The following CTNNA3 variants were observed in gnomAD, a reference collection of about 807,000 sequenced individuals.
CTNNA3 encodes the protein catenin alpha 3.
A neutral mutation model predicts 95.7 loss-of-function variants in CTNNA3; 76 were observed. That is an observed-to-expected ratio of 0.79 (90% CI 0.66 to 0.96). The LOEUF is 0.96. Ranked by LOEUF, CTNNA3 falls within the 40% of genes least tolerant of loss-of-function variation. The pLI is 0.00. For missense variants in CTNNA3, 1,191 were observed against 1,089.8 expected (o/e 1.09, Z -1.31); for synonymous variants, 431 against 374.4 (o/e 1.15, Z -1.74).
chr10:67,105,396 A>G (rs990853445), intron 7 of CTNNA3, among the ~76,000 whole-genome samples: 1 of 152,152 alleles, frequency 6.6e-6, no homozygotes, highest in Non-Finnish European at 1.5e-5. Context: ...TCCAAGGTCA[A>G]ATTTGAAATA....
At chr10:66,788,252 C>A (rs2132869522) in intron 7 of CTNNA3, among the ~76,000 whole-genome samples, 1 of 152,252 alleles carries the variant, frequency 6.6e-6, no homozygotes, top group South Asian at 2.1e-4. Context: ...TGCAAACTGA[C>A]ATACCCATCA....
At chr10:67,739,832 A>C (rs987751165) in intron 1 of CTNNA3, among the ~76,000 whole-genome samples, 15 of 152,308 alleles carry the variant, frequency 9.8e-5, no homozygotes, top group African/African-American at 3.1e-4. Flanking sequence ...GGAACCAAAA[A>C]AGAGGCCGCA....
At chr10:66,627,019 T>C (rs556280227) in intron 9 of CTNNA3, among the ~76,000 whole-genome samples, 1 of 152,156 alleles carries the variant, frequency 6.6e-6, no homozygotes, top group South Asian at 2.1e-4. Flanking sequence ...TGTGTTTGAA[T>C]AGACAGTCTT....
At chr10:66,745,094 G>A (rs183146025) in intron 9 of CTNNA3, among the ~76,000 whole-genome samples, 7 of 152,108 alleles carry the variant, frequency 4.6e-5, no homozygotes, top group African/African-American at 1.4e-4. Context: ...CACCCCCAGC[G>A]CTTCTCAGCT....
intron 5 of CTNNA3, among the ~76,000 whole-genome samples, chr10:67,257,345 T>C (rs1320568732): frequency 6.6e-6 from 1 of 152,238 alleles, no homozygotes; most frequent in Non-Finnish European, 1.5e-5. Context: ...AGTGCAATGC[T>C]GAAAGCACAA....
chr10:67,464,279 C>T (rs1049094850), intron 5 of CTNNA3, among the ~76,000 whole-genome samples: 1 of 152,170 alleles, frequency 6.6e-6, no homozygotes, highest in Non-Finnish European at 1.5e-5. Flanking sequence ...TTTCGCTCCC[C>T]TATCTTCTTC....
intron 7 of CTNNA3, among the ~76,000 whole-genome samples, chr10:66,859,149 T>C (rs1843801327): frequency 6.6e-6 from 1 of 152,094 alleles, no homozygotes; most frequent in Non-Finnish European, 1.5e-5. Flanking sequence ...CTGAGGAATA[T>C]GGAGACTGAG....
chr10:65,958,347 G>T (rs1303510019), intron 17 of CTNNA3, among the ~76,000 whole-genome samples: 1 of 151,986 alleles, frequency 6.6e-6, no homozygotes, highest in Non-Finnish European at 1.5e-5. Context: ...CTTTAGCTTG[G>T]AGAAGTTTGT....
At chr10:67,706,046 C>A (rs899793202) in intron 1 of CTNNA3, among the ~76,000 whole-genome samples, 1 of 151,994 alleles carries the variant, frequency 6.6e-6, no homozygotes, top group African/African-American at 2.4e-5. Context: ...GAATGGCATG[C>A]AGGGGAGGGA....
rs1846062338 is a variant in CTNNA3, at chr10:66,907,950, G to C, written c.1048-132426C>G. On this transcript the variant is annotated intron_variant, in intron 7 of 17. Transcript: ENST00000433211. Reference sequence around the variant, plus strand: ...ATCCATATGAATTTTCTTAACATGAGGGATGTATTTTGTAGAGAAGTTACA... The same window carrying C: ...ATCCATATGAATTTTCTTAACATGACGGATGTATTTTGTAGAGAAGTTACA... Among the ~76,000 whole-genome samples, 3 of 152,150 alleles carry C rather than the reference G, an allele frequency of 2.0e-5. No individual in the cohort carries two copies. The South Asian group carries it at 6.2e-4, about 32-fold the overall frequency.
At chr10:67,499,487 G>A (rs11497964) in intron 5 of CTNNA3, among the ~76,000 whole-genome samples, 10,414 of 152,198 alleles carry the variant, frequency 0.068, 435 homozygotes, top group South Asian at 0.14. Context: ...CTATTGTTTG[G>A]AATAGTTTCA....
intron 5 of CTNNA3, among the ~76,000 whole-genome samples, chr10:67,519,960 C>A (rs968164737): frequency 1.3e-5 from 2 of 152,060 alleles, no homozygotes; most frequent in African/African-American, 4.8e-5. Flanking sequence ...TTGACCCTGC[C>A]CATCAAGAAG....
chr10:66,412,128 G>A (rs1165452082), intron 11 of CTNNA3, among the ~76,000 whole-genome samples: 3 of 152,044 alleles, frequency 2.0e-5, no homozygotes, highest in African/African-American at 7.2e-5. Context: ...AAACAAAAAC[G>A]TGAGGAATGA....
chr10:67,347,635 A>G (rs1423453646), intron 5 of CTNNA3, among the ~76,000 whole-genome samples: 1 of 152,138 alleles, frequency 6.6e-6, no homozygotes, highest in Non-Finnish European at 1.5e-5. Context: ...AGTAAAGTTG[A>G]GTACTCTTAG....
intron 10 of CTNNA3, among the ~76,000 whole-genome samples, chr10:66,612,970 CTT>C: frequency 6.6e-6 from 1 of 152,154 alleles, no homozygotes; most frequent in South Asian, 2.1e-4. Context: ...TGATTATAAA[CTT>C]AATGTCAGCA....
At chr10:67,598,743 A>T (rs1049021820) in intron 3 of CTNNA3, among the ~76,000 whole-genome samples, 1 of 152,188 alleles carries the variant, frequency 6.6e-6, no homozygotes, top group Non-Finnish European at 1.5e-5. Context: ...AGCATAGGGC[A>T]GTTAGAACTC....
chr10:67,043,004 A>G (rs1854501794), intron 7 of CTNNA3, among the ~76,000 whole-genome samples: 1 of 152,138 alleles, frequency 6.6e-6, no homozygotes, highest in African/African-American at 2.4e-5. Context: ...AACCGGTGGA[A>G]TAGTACAAAA....
intron 8 of CTNNA3, among the ~76,000 whole-genome samples, chr10:66,771,246 T>C (rs914767533): frequency 6.6e-6 from 1 of 152,204 alleles, no homozygotes; most frequent in Non-Finnish European, 1.5e-5. Context: ...TTTTTCTTAA[T>C]ATACACAAAT....
At chr10:67,672,502 G>T (rs1254693807) in intron 1 of CTNNA3, among the ~76,000 whole-genome samples, 1 of 152,038 alleles carries the variant, frequency 6.6e-6, no homozygotes, top group African/African-American at 2.4e-5. Flanking sequence ...GGTCTAACAT[G>T]TAAGTCTTTA....
Sources: allele counts gnomAD v4.1 joint callset (sites outside exome capture counted in the v4.1 genomes callset), GRCh38; gene constraint gnomAD v4.1.1; transcripts MANE v1.5; gene names NCBI Gene and HGNC (gene_info 2026-07-23, HGNC 2026-07-21).